VANGL2: variants seen among roughly 807,000 people sequenced by gnomAD.
VANGL2 encodes the protein VANGL planar cell polarity protein 2.
In VANGL2, 14 loss-of-function variants were observed where a neutral mutation model predicts 50.2. The observed-to-expected ratio is 0.28, with a 90% confidence interval of 0.18 to 0.44. VANGL2 has a LOEUF of 0.44. Among genes scored for constraint, VANGL2 ranks in the 20% least tolerant of loss-of-function variants. The pLI is 1.00. For missense variants in VANGL2, 533 were observed against 701.5 expected, an observed-to-expected ratio of 0.76 and a Z score of 2.71; for synonymous variants, 295 against 297.2, an observed-to-expected ratio of 0.99 and a Z score of 0.08.
chr1:160,405,635 G>A (rs954688583), intron 1 of VANGL2, among the ~76,000 whole-genome samples: 1 of 149,410 alleles, frequency 6.7e-6, no homozygotes, highest in Non-Finnish European at 1.5e-5. Flanking sequence ...GGAGAGGGGA[G>A]AGTGGGATGA....
intron 1 of VANGL2, among the ~76,000 whole-genome samples, chr1:160,407,115 C>A (rs567252545): frequency 6.6e-6 from 1 of 152,174 alleles, no homozygotes; most frequent in Non-Finnish European, 1.5e-5. Context: ...TAAAAAACAA[C>A]AGACTGTGAA....
intron 1 of VANGL2, among the ~76,000 whole-genome samples, chr1:160,407,865 GGTGGTGGAAATT>G (rs2101949448): frequency 6.6e-6 from 1 of 152,302 alleles, no homozygotes; most frequent in South Asian, 2.1e-4. Flanking sequence ...CTCAAAGCCT[GGTGGTGGAAATT>G]GTGGGGCCTG....
rs1193776289 is a variant in VANGL2 at position 160,420,971 on chromosome 1, G to A, written c.938-81G>A. 5 of 1,591,086 alleles carry A rather than the reference G, an allele frequency of 3.1e-6. No homozygotes were observed. In the African/African-American group the frequency reaches 6.7e-5, roughly 21 times the overall value. On this transcript the variant is annotated intron_variant, in intron 5 of 7. Transcript: ENST00000368061. ...GAACAGCTTCTTCTGGACATGTCAG[G>A]CTGCTGTCTCCAGAGCTCCTGGAGT... is the stretch of plus-strand genomic sequence containing the variant.
chr1:160,419,101 A>G lies in VANGL2; in HGVS notation c.292A>G (p.Ser98Gly). 2 of 1,614,164 alleles carry G rather than the reference A, an allele frequency of 1.2e-6. No homozygotes were observed. Among genetic ancestry groups the G allele is most frequent in the Non-Finnish European group, 1.7e-6 (2 of 1,180,016 alleles). Residue 98 changes from serine (S) to glycine (G), a missense_variant, in exon 4 of 8, where the codon AGT (serine) becomes GGT (glycine). Transcript: ENST00000368061. This position sits in a 1 kb window ranked among gnomAD's most constrained non-coding sequence, Gnocchi z 5.8. Reference protein sequence around the residue: ...LTRIAKDMEDSVPLDCSRHLG... With the variant: ...LTRIAKDMEDGVPLDCSRHLG... The stretch of plus-strand genomic sequence containing the variant: ...ACGCATCGCCAAGGACATGGAGGAC[A>G]GTGTCCCTCTGGACTGCTCCCGTCA...
rs1459852984 is a variant in VANGL2, at chr1:160,425,385, A to C, written c.*7A>C. 1 of 1,369,940 alleles carries C rather than the reference A, an allele frequency of 7.3e-7. No homozygotes were observed. The highest frequency in any genetic ancestry group is 9.8e-7 in the Non-Finnish European group (1 of 1,024,114). 84.9% of individuals were successfully genotyped at this position (1,369,940 alleles called of 1,614,324 possible). On this transcript the variant is annotated 3_prime_UTR_variant, in exon 8 of 8. Transcript: ENST00000368061. ...GTCTGAGACCTCAGTGTGACTGTGC[A>C]ACAGCAGGGGGAGTGGGAAACTCTG... is the stretch of plus-strand genomic sequence containing the variant.
At chr1:160,410,539 C>T (rs1650842356) in intron 1 of VANGL2, among the ~76,000 whole-genome samples, 1 of 152,244 alleles carries the variant, frequency 6.6e-6, no homozygotes, top group South Asian at 2.1e-4. Flanking sequence ...GTCATCGGCC[C>T]CCAGCACGCG....
intron 7 of VANGL2, 68 bp downstream of exon 7, chr1:160,424,351 C>T: frequency 6.9e-7 from 1 of 1,459,672 alleles, no homozygotes. Context: ...CCTTCATTTT[C>T]CCTTATTCTC....
intron 1 of VANGL2, among the ~76,000 whole-genome samples, chr1:160,404,562 C>T (rs1401858816): frequency 2.0e-5 from 3 of 152,156 alleles, no homozygotes; most frequent in African/African-American, 7.2e-5. Context: ...ACAATTGTCG[C>T]CATTTCCCCT....
chr1:160,424,392 C>T, intron 7 of VANGL2, 109 bp downstream of exon 7: 5 of 1,078,788 alleles, frequency 4.6e-6, no homozygotes, highest in Non-Finnish European at 7.0e-6. Flanking sequence ...CACCTCATTT[C>T]TCTCTCCTCA....
intron 1 of VANGL2, among the ~76,000 whole-genome samples, chr1:160,406,182 A>G (rs1018825881): frequency 6.6e-6 from 1 of 152,230 alleles, no homozygotes; most frequent in South Asian, 2.1e-4. Flanking sequence ...CTGAGATTAC[A>G]TAGCTCGTAA....
chr1:160,411,871 T>C (rs1214119456), intron 1 of VANGL2, among the ~76,000 whole-genome samples: 2 of 152,236 alleles, frequency 1.3e-5, no homozygotes, highest in East Asian at 3.9e-4. Flanking sequence ...TTGGTGTGTG[T>C]GTGTGTGTGT....
At chr1:160,420,344 G>A in intron 4 of VANGL2, 67 bp from the exon 5 acceptor site, 2 of 1,604,484 alleles carry the variant, frequency 1.2e-6, no homozygotes, top group South Asian at 1.1e-5. Context: ...CTGCCCTAAT[G>A]TGTCCCTTTC....
chr1:160,420,319 T>C (rs1017664446), intron 4 of VANGL2, 92 bp from the exon 5 acceptor site: 53 of 1,548,240 alleles, frequency 3.4e-5, no homozygotes, highest in Non-Finnish European at 4.7e-5. Context: ...CTGTGTCCTC[T>C]CCTGCCCTGC....
chr1:160,427,346 T>C lies in VANGL2; in HGVS notation c.*1968T>C, dbSNP rs1324472120. The C allele has an allele frequency of 6.6e-6, 1 of 152,386 alleles. No homozygotes were observed. Among genetic ancestry groups the C allele is most frequent in the Non-Finnish European group, 1.5e-5 (1 of 67,984 alleles). The allele number at this position is 152,386 out of a possible 1,614,324, so 9.4% of individuals were successfully genotyped here. A position where few individuals can be genotyped will look rare whatever the true frequency, so the allele number is the denominator to read the frequency against. On this transcript the variant is annotated 3_prime_UTR_variant, in exon 8 of 8. Coordinates refer to ENST00000368061, the MANE Select transcript of VANGL2 (RefSeq NM_020335.3). The stretch of plus-strand genomic sequence containing the variant: ...GTTGGGGTGGGGGAGAGGGAAAGGA[T>C]TTGGGATCTTAGTTGCTGCCCTAGG...
At position 160,418,866 on chromosome 1, in the gene VANGL2, C is replaced by T. The variant is rs537423639; in HGVS notation, c.193-136C>T. ...GATGGTTGCGTATTTGTTGATTACC[C>T]TCTCTTCTTTCTGCCTTCTCCTTTC... is the stretch of plus-strand genomic sequence containing the variant. On this transcript the variant is annotated intron_variant, in intron 3 of 7. Coordinates refer to ENST00000368061, the MANE Select transcript of VANGL2 (RefSeq NM_020335.3). The T allele has an allele frequency of 6.1e-6, 7 of 1,140,026 alleles. No homozygotes were observed. In the Admixed American group the frequency reaches 1.9e-4, roughly 31 times the overall value. The allele number at this position is 1,140,026 out of a possible 1,614,324, so 70.6% of individuals were successfully genotyped here.
chr1:160,424,342 C>A, intron 7 of VANGL2, 59 bp downstream of exon 7: 1 of 1,512,472 alleles, frequency 6.6e-7, no homozygotes, highest in Non-Finnish European at 9.1e-7. Context: ...TCTTTCCCAC[C>A]TTCATTTTCC....
intron 1 of VANGL2, 91 bp from the exon 2 acceptor site, chr1:160,415,557 C>A (rs1226103020): frequency 4.1e-6 from 2 of 491,686 alleles, no homozygotes; most frequent in African/African-American, 3.9e-5. Context: ...TCATTTGAGC[C>A]TCCTGTGGCT....
chr1:160,420,369 G>A (rs764963153), intron 4 of VANGL2, 42 bp from the exon 5 acceptor site: 1 of 1,613,376 alleles, frequency 6.2e-7, no homozygotes, highest in East Asian at 2.2e-5. Context: ...GTGCCCCTTG[G>A]TCTGTCCCTT....
rs374185444 is a variant in VANGL2, at chr1:160,416,364, T to C, written c.192+182T>C. On this transcript the variant is annotated intron_variant, in intron 3 of 7. Coordinates refer to ENST00000368061, the MANE Select transcript of VANGL2 (RefSeq NM_020335.3). ...TCTTAAGGTAGGACCTTCAGGAATT[T>C]CAGTATAGAGATCCCTCTGGAAGCA... 5.6e-4 allele frequency among the ~76,000 whole-genome samples: 86 copies of C among 152,250 alleles called. 1 individual carries two copies. The highest frequency in any genetic ancestry group is 1.9e-3 in the African/African-American group (79 of 41,560).
Sources: allele counts gnomAD v4.1 joint callset (sites outside exome capture counted in the v4.1 genomes callset), GRCh38; gene constraint gnomAD v4.1.1; non-coding constraint Gnocchi (gnomAD v3.1); transcripts MANE v1.5; gene names NCBI Gene and HGNC (gene_info 2026-07-23, HGNC 2026-07-21).